Variants in GRM7 observed in about 807,000 individuals in gnomAD.
GRM7 encodes the protein glutamate metabotropic receptor 7.
In GRM7, 35 loss-of-function variants were observed where a neutral mutation model predicts 84.5. The observed-to-expected ratio is 0.41, with a 90% CI of 0.32 to 0.55. The LOEUF (loss-of-function observed/expected upper bound fraction) is 0.55. GRM7 is among the 20% of genes least tolerant of loss of function. The pLI is 0.19. For missense variants in GRM7, 1,003 were observed against 1,194.6 expected (o/e 0.84, Z 2.36); for synonymous variants, 487 against 455.1 (o/e 1.07, Z -0.89).
At chr3:6,983,790 G>C (rs1284815542) in intron 1 of GRM7, among the ~76,000 whole-genome samples, 1 of 148,482 alleles carries the variant, frequency 6.7e-6, no homozygotes, top group Non-Finnish European at 1.5e-5. Flanking sequence ...AACCTCAGAT[G>C]ACCTTTTGTT....
In GRM7 at chr3:7,740,425, AC is replaced by A; in HGVS notation, c.*21del. The A allele has an allele frequency of 7.1e-7, 1 of 1,406,798 alleles. No homozygotes were observed. Among genetic ancestry groups the A allele is most frequent in the Non-Finnish European group, 9.9e-7 (1 of 1,013,538 alleles). 87.1% of individuals were successfully genotyped at this position (1,406,798 alleles called of 1,614,324 possible). A position where few individuals can be genotyped will look rare whatever the true frequency, so the allele number is the denominator to read the frequency against. On this transcript the variant is annotated 3_prime_UTR_variant, in exon 10 of 10. Transcript: ENST00000357716. The stretch of plus-strand genomic sequence containing the variant: ...TATCTAACCTGTTCCATTCCATGGA[AC>A]CATGGAGGAGGAAGACCCTCAGTTA...
intron 8 of GRM7, among the ~76,000 whole-genome samples, chr3:7,657,945 TAGAG>T (rs1201801884): frequency 6.6e-6 from 1 of 152,172 alleles, no homozygotes; most frequent in African/African-American, 2.4e-5. Context: ...AAGTGAGGCT[TAGAG>T]AGAGCATTCT....
chr3:7,309,189 C>T (rs1004867486), intron 4 of GRM7, among the ~76,000 whole-genome samples: 6 of 152,120 alleles, frequency 3.9e-5, no homozygotes, highest in African/African-American at 1.2e-4. Flanking sequence ...TGTTCACTTT[C>T]GTAGCAGACA....
At chr3:7,256,652 C>T (rs1011413939) in intron 2 of GRM7, among the ~76,000 whole-genome samples, 5 of 150,962 alleles carry the variant, frequency 3.3e-5, no homozygotes, top group Non-Finnish European at 5.9e-5. Context: ...CACATACACA[C>T]ACACACAAAA....
At chr3:6,938,783 G>A (rs892666711) in intron 1 of GRM7, among the ~76,000 whole-genome samples, 1 of 152,176 alleles carries the variant, frequency 6.6e-6, no homozygotes, top group Non-Finnish European at 1.5e-5. Context: ...AAAAATGAAG[G>A]AGACTGGTTG....
intron 7 of GRM7, among the ~76,000 whole-genome samples, chr3:7,479,387 A>G (rs1229453707): frequency 6.6e-6 from 1 of 151,902 alleles, no homozygotes; most frequent in Non-Finnish European, 1.5e-5. Flanking sequence ...CAATAGCAAG[A>G]GACCACTCTC....
intron 4 of GRM7, among the ~76,000 whole-genome samples, chr3:7,311,378 A>G (rs1232993723): frequency 2.0e-5 from 3 of 150,972 alleles, no homozygotes; most frequent in Non-Finnish European, 4.4e-5. Context: ...TCCCACAGGG[A>G]ACAGGCAGGC....
intron 7 of GRM7, among the ~76,000 whole-genome samples, chr3:7,557,026 C>T (rs919721440): frequency 2.0e-5 from 3 of 152,136 alleles, no homozygotes; most frequent in Non-Finnish European, 2.9e-5. Context: ...GAAAACCCAT[C>T]TGATGAATTT....
At chr3:7,108,927 A>G (rs2125031136) in intron 1 of GRM7, among the ~76,000 whole-genome samples, 1 of 152,172 alleles carries the variant, frequency 6.6e-6, no homozygotes, top group Middle Eastern at 3.4e-3. Flanking sequence ...TATGTCTCAG[A>G]GTTAGCATGC....
At chr3:7,687,784 T>C (rs1700640298) in intron 9 of GRM7, among the ~76,000 whole-genome samples, 1 of 152,188 alleles carries the variant, frequency 6.6e-6, no homozygotes. Context: ...CTCTCTCTTT[T>C]ATCCATTTAG....
intron 2 of GRM7, among the ~76,000 whole-genome samples, chr3:7,181,244 C>G (rs1013613451): frequency 6.6e-6 from 1 of 152,166 alleles, no homozygotes; most frequent in African/African-American, 2.4e-5. Flanking sequence ...CATCCCATCA[C>G]TTATAATGCC....
chr3:7,411,017 G>A (rs1486913316), intron 4 of GRM7, among the ~76,000 whole-genome samples: 2 of 152,220 alleles, frequency 1.3e-5, no homozygotes, highest in South Asian at 2.1e-4. Context: ...AGGTTCTGCT[G>A]GTTCCAAGCA....
chr3:7,129,383 A>G (rs1020188572), intron 1 of GRM7, among the ~76,000 whole-genome samples: 6 of 152,244 alleles, frequency 3.9e-5, no homozygotes, highest in African/African-American at 1.4e-4. Flanking sequence ...GTGGCAGATA[A>G]TGTCCATTCC....
chr3:6,895,895 C>T (rs1309214673), intron 1 of GRM7, among the ~76,000 whole-genome samples: 1 of 151,594 alleles, frequency 6.6e-6, no homozygotes, highest in Non-Finnish European at 1.5e-5. Flanking sequence ...TTATTCCTCA[C>T]CCAATATGAC....
chr3:7,220,815 G>A (rs1350949185), intron 2 of GRM7, among the ~76,000 whole-genome samples: 1 of 152,100 alleles, frequency 6.6e-6, no homozygotes, highest in Admixed American at 6.5e-5. Flanking sequence ...AGAGAATTTT[G>A]CAGCTTGGTA....
At chr3:6,893,870 A>G (rs1278377920) in intron 1 of GRM7, 1 of 152,180 alleles carries the variant, frequency 6.6e-6, no homozygotes, top group Non-Finnish European at 1.5e-5. Context: ...AATAAGGTAA[A>G]GAGTAGAAAA....
intron 1 of GRM7, among the ~76,000 whole-genome samples, chr3:7,116,161 T>G (rs2125039326): frequency 6.6e-6 from 1 of 152,232 alleles, no homozygotes; most frequent in African/African-American, 2.4e-5. Context: ...CAGAGTCTGG[T>G]GATGGTGGCA....
chr3:6,933,798 A>AGTG (rs1559337223), intron 1 of GRM7, among the ~76,000 whole-genome samples: 2 of 152,042 alleles, frequency 1.3e-5, no homozygotes, highest in Admixed American at 6.6e-5. Context: ...ACTGTGCCAG[A>AGTG]GTGGTAATCA....
intron 1 of GRM7, among the ~76,000 whole-genome samples, chr3:7,010,858 G>A (rs1303707124): frequency 2.0e-5 from 3 of 152,132 alleles, no homozygotes; most frequent in Non-Finnish European, 4.4e-5. Context: ...GGAACTGCCA[G>A]AAAATGGGAA....
Sources: allele counts gnomAD v4.1 joint callset (sites outside exome capture counted in the v4.1 genomes callset), GRCh38; gene constraint gnomAD v4.1.1; transcripts MANE v1.5; gene names NCBI Gene and HGNC (gene_info 2026-07-23, HGNC 2026-07-21).